AMER1: variants seen among roughly 807,000 people sequenced by gnomAD.
The protein encoded by AMER1 is RP11-403E24.2.
In AMER1, 16 loss-of-function variants were observed where a neutral mutation model predicts 53.0. The ratio of observed to expected loss-of-function variants is 0.30; its 90% CI spans 0.20 to 0.46. The LOEUF (loss-of-function observed/expected upper bound fraction) is 0.46. AMER1 is among the 20% of genes least tolerant of loss of function. AMER1 has a pLI of 1.00. For synonymous variants in AMER1, 354 were observed against 331.9 expected (o/e 1.07, Z -0.73); for missense variants, 947 against 884.9 (o/e 1.07, Z -0.89).
chrX:64,189,930 A>G lies in AMER1; in HGVS notation c.3357T>C (p.Ser1119=). 8.3e-7 allele frequency: 1 copy of G among 1,207,243 alleles called. No individual in the cohort carries two copies. Among genetic ancestry groups the G allele is most frequent in the Non-Finnish European group, 1.1e-6 (1 of 893,635 alleles). The stretch of plus-strand genomic sequence containing the variant: ...CAGTGGAGGAGTAGCTGGTGGCAAG[A>G]GAGGCACCTTGCTCAGCCCTCTCCT... The part of the protein sequence containing the change: ...LSKERAEQGA[S]LATSYSSTAM... The change falls in exon 2 of 2, where the codon TCT becomes TCC. Residue 1119 remains serine (S), a synonymous_variant. Coordinates refer to ENST00000374869, the MANE Select transcript of AMER1 (RefSeq NM_152424.4).
At chrX:64,201,448 A>AACACACACACAC (rs532857666) in intron 1 of AMER1, among the ~76,000 whole-genome samples, 74 of 83,130 alleles carry the variant, frequency 8.9e-4, no homozygotes, top group African/African-American at 2.9e-3. Flanking sequence ...TCCTTCCCCC[A>AACACACACACAC]ACACACACAC....
intron 1 of AMER1, among the ~76,000 whole-genome samples, chrX:64,194,095 C>T (rs749784799): frequency 1.8e-5 from 2 of 111,905 alleles, no homozygotes; most frequent in African/African-American, 3.2e-5. Flanking sequence ...CTTCAATATT[C>T]GCCATTCAAG....
At position 64,186,193 on chromosome X, in the gene AMER1, G is replaced by C. The variant is rs907718501; in HGVS notation, c.*3686C>G. ...GCATCTTCTGCTGTCCCTATCATGGGGGGAGGGAACGGACAGTGTGGTACA... is the reference window on the plus strand; with the variant it reads ...GCATCTTCTGCTGTCCCTATCATGGCGGGAGGGAACGGACAGTGTGGTACA... On this transcript the variant is annotated 3_prime_UTR_variant, in exon 2 of 2. Coordinates refer to ENST00000374869, the MANE Select transcript of AMER1 (RefSeq NM_152424.4). 2 of 1,209,239 alleles carry C rather than the reference G, an allele frequency of 1.7e-6. No homozygotes were observed. Among genetic ancestry groups the C allele is most frequent in the Non-Finnish European group, 2.2e-6 (2 of 894,011 alleles).
In AMER1 at chrX:64,187,400, G is replaced by C; in HGVS notation, c.*2479C>G. ...AACCATGAACTCTCACTCAGCCCCA[G>C]GCCCTACTCTGTGGTGTGTGACCTT... On this transcript the variant is annotated 3_prime_UTR_variant, in exon 2 of 2. Transcript: ENST00000374869. The C allele has an allele frequency of 2.5e-6, 2 of 794,552 alleles. No homozygotes were observed. Among genetic ancestry groups the C allele is most frequent in the Middle Eastern group, 6.5e-4 (1 of 1,530 alleles). 65.5% of individuals were successfully genotyped at this position (794,552 alleles called of 1,213,427 possible). A position where few individuals can be genotyped will look rare whatever the true frequency, so the allele number is the denominator to read the frequency against.
rs749051942 is a variant in AMER1 at position 64,193,289 on chromosome X, T to A, written c.-3A>T. On this transcript the variant is annotated 5_prime_UTR_variant, in exon 2 of 2. Coordinates refer to ENST00000374869, the MANE Select transcript of AMER1 (RefSeq NM_152424.4). Reference sequence around the variant, plus strand: ...GCTTCATCCTTTTGGGTCTCCATGATGATGGGGACAACTGAGGTACGTCCA... The same window carrying A: ...GCTTCATCCTTTTGGGTCTCCATGAAGATGGGGACAACTGAGGTACGTCCA... The A allele has an allele frequency of 8.3e-7, 1 of 1,209,714 alleles. No individual in the cohort carries two copies. The highest frequency in any genetic ancestry group is 1.1e-6 in the Non-Finnish European group (1 of 895,273).
At position 64,188,220 on chromosome X, in the gene AMER1, T is replaced by C. The variant is rs1930146435; in HGVS notation, c.*1659A>G. Reference sequence around the variant, plus strand: ...CTTCTCTCAACAGGCATGGAGATGGTGGGATGTGAGGGCGAGGGTGCAATA... The same window carrying C: ...CTTCTCTCAACAGGCATGGAGATGGCGGGATGTGAGGGCGAGGGTGCAATA... On this transcript the variant is annotated 3_prime_UTR_variant, in exon 2 of 2. Transcript: ENST00000374869. 5.0e-6 allele frequency: 4 copies of C among 804,410 alleles called. No homozygotes were observed. Among genetic ancestry groups the C allele is most frequent in the East Asian group, 1.4e-4 (2 of 14,101 alleles). The allele number at this position is 804,410 out of a possible 1,213,427, so 66.3% of individuals were successfully genotyped here.
rs978467186 is a variant in AMER1, at chrX:64,188,175, G to T, written c.*1704C>A. ...AGCTAAATTGCCATATCTCAGGAAT[G>T]GCAAGAACCCTGTTGACTTCTTCTC... On this transcript the variant is annotated 3_prime_UTR_variant, in exon 2 of 2. Transcript: ENST00000374869. 1.4e-5 allele frequency: 11 copies of T among 803,184 alleles called. No individual in the cohort carries two copies. Among genetic ancestry groups the T allele is most frequent in the Non-Finnish European group, 1.6e-5 (11 of 669,951 alleles). The allele number at this position is 803,184 out of a possible 1,213,427, so 66.2% of individuals were successfully genotyped here. A position where few individuals can be genotyped will look rare whatever the true frequency, so the allele number is the denominator to read the frequency against.
chrX:64,204,164 G>A (rs1930546397), intron 1 of AMER1, among the ~76,000 whole-genome samples: 1 of 113,067 alleles, frequency 8.8e-6, no homozygotes, highest in African/African-American at 3.2e-5. Flanking sequence ...GGGTGGTGCC[G>A]AATGAGGGGA....
rs976798807 is a variant in AMER1, at chrX:64,186,494, T to G, written c.*3385A>C. 137 of 783,711 alleles carry G rather than the reference T, an allele frequency of 1.7e-4. No homozygotes were observed. The highest frequency in any genetic ancestry group is 6.6e-4 in the Middle Eastern group (1 of 1,513). The allele number at this position is 783,711 out of a possible 1,213,427, so 64.6% of individuals were successfully genotyped here. Reference sequence around the variant, plus strand: ...CATACACATGGGTAAACTTGAAGTCTCCCTGCTAAACCCCATGCCTCCCTC... The same window carrying G: ...CATACACATGGGTAAACTTGAAGTCGCCCTGCTAAACCCCATGCCTCCCTC... On this transcript the variant is annotated 3_prime_UTR_variant, in exon 2 of 2. Transcript: ENST00000374869.
chrX:64,188,506 C>A lies in AMER1; in HGVS notation c.*1373G>T. On this transcript the variant is annotated 3_prime_UTR_variant, in exon 2 of 2. Coordinates refer to ENST00000374869, the MANE Select transcript of AMER1 (RefSeq NM_152424.4). ...GGCTGCAACTGCCAAGAAGCCCTGT[C>A]ATTTGATGATGCTAAGGACTCGGCT... 1.2e-6 allele frequency: 1 copy of A among 805,062 alleles called. No homozygotes were observed. The highest frequency in any genetic ancestry group is 6.6e-5 in the South Asian group (1 of 15,219). The allele number at this position is 805,062 out of a possible 1,213,427, so 66.3% of individuals were successfully genotyped here. A position where few individuals can be genotyped will look rare whatever the true frequency, so the allele number is the denominator to read the frequency against.
At chrX:64,204,069 C>G (rs994506868) in intron 1 of AMER1, among the ~76,000 whole-genome samples, 1 of 112,418 alleles carries the variant, frequency 8.9e-6, no homozygotes, top group Non-Finnish European at 1.9e-5. Context: ...TTACCAAGCC[C>G]CCAGTGGCTT....
Position 64,192,343 on chromosome X carries a change from T to G in AMER1, c.944A>C (p.Asp315Ala). The G allele has an allele frequency of 8.2e-7, 1 of 1,212,250 alleles. No homozygotes were observed. Among genetic ancestry groups the G allele is most frequent in the Non-Finnish European group, 1.1e-6 (1 of 895,645 alleles). Residue 315 changes from aspartate to alanine, a missense_variant, in exon 2 of 2, where the codon GAT (aspartate) becomes GCT (alanine). Asp to Ala is a moderately radical substitution (Grantham distance 126, BLOSUM62 -2). Transcript: ENST00000374869. ...VGDPLSLLFG[D>A]VTSLKSFDSL... Reference sequence around the variant, plus strand: ...ATCAAAGCTTTTCAGGGATGTCACATCCCCAAACAAGAGGCTCAGTGGGTC... The same window carrying G: ...ATCAAAGCTTTTCAGGGATGTCACAGCCCCAAACAAGAGGCTCAGTGGGTC...
rs2147089737 is a variant in AMER1, at chrX:64,192,491, C to G, written c.796G>C (p.Ala266Pro). 8.3e-7 allele frequency: 1 copy of G among 1,203,301 alleles called. No individual in the cohort carries two copies. The highest frequency in any genetic ancestry group is 3.0e-5 in the East Asian group (1 of 33,819). Residue 266 changes from alanine to proline, a missense_variant, in exon 2 of 2, where the codon GCC becomes CCC. By Grantham distance (27) the Ala-to-Pro change is conservative. Transcript: ENST00000374869. ...GGCTTGGGTTGCACATGTGCTGAGG[C>G]ACAGGCCTCCATGGGTTTTTCTGGA... ...KDPEKPMEAC[A>P]SAHVQPKPAP... is the part of the protein sequence containing the mutation.
intron 1 of AMER1, among the ~76,000 whole-genome samples, chrX:64,199,420 G>T (rs1930441445): frequency 8.9e-6 from 1 of 111,917 alleles, no homozygotes; most frequent in Admixed American, 9.4e-5. Context: ...CCTTCTATAG[G>T]CTGTGTGGTT....
chrX:64,195,157 C>A (rs1477840424), intron 1 of AMER1, among the ~76,000 whole-genome samples: 3 of 111,642 alleles, frequency 2.7e-5, no homozygotes, highest in African/African-American at 9.8e-5. Flanking sequence ...CCCCCTCCCA[C>A]CTCCAAATAC....
chrX:64,200,125 C>G (rs958637505), intron 1 of AMER1, among the ~76,000 whole-genome samples: 1 of 112,677 alleles, frequency 8.9e-6, no homozygotes, highest in Non-Finnish European at 1.9e-5. Flanking sequence ...TCTTAGGCTC[C>G]CAAACTTTCT....
In AMER1 at chrX:64,191,643, G is replaced by A. The variant is rs2147087781; in HGVS notation, c.1644C>T (p.Ser548=). Residue 548 remains serine, a synonymous_variant, in exon 2 of 2, where the codon TCC becomes TCT. Transcript: ENST00000374869. The stretch of plus-strand genomic sequence containing the variant: ...CTGTCTCCATTGCCCCAGGTGGCCG[G>A]GAGGACAAAAAGGGCTCAAAGTTTA... ...PFLNFEPFLS[S]RPPGAMETEE... is the part of the protein sequence containing the mutation. 1 of 1,212,235 alleles carries A rather than the reference G, an allele frequency of 8.2e-7. No individual in the cohort carries two copies. Among genetic ancestry groups the A allele is most frequent in the East Asian group, 3.0e-5 (1 of 33,811 alleles).
rs1230411654 is a variant in AMER1 at position 64,190,622 on chromosome X, G to A, written c.2665C>T (p.Leu889Phe). 6 of 1,211,983 alleles carry A rather than the reference G, an allele frequency of 5.0e-6. No homozygotes were observed. Among genetic ancestry groups the A allele is most frequent in the Non-Finnish European group, 6.7e-6 (6 of 895,560 alleles). The change falls in exon 2 of 2, where the codon CTC (leucine) becomes TTC (phenylalanine). Residue 889 changes from leucine to phenylalanine, a missense_variant. Physicochemically the swap from Leu to Phe is conservative, Grantham distance 22. Coordinates refer to ENST00000374869, the MANE Select transcript of AMER1 (RefSeq NM_152424.4). ...HPRPPPAAMA[L>F]NRRSRSLDTA... Reference sequence around the variant, plus strand: ...TCGAGAGAGCGGCTTCTCCTGTTGAGGGCCATAGCAGCAGGTGGAGGTCGA... The same window carrying A: ...TCGAGAGAGCGGCTTCTCCTGTTGAAGGCCATAGCAGCAGGTGGAGGTCGA...
Position 64,190,055 on chromosome X carries a change from C to A in AMER1, c.3232G>T (p.Val1078Leu), listed in dbSNP as rs1343119078. ...SPSPLPQAKP[V>L]GITHGIPQLP... Reference sequence around the variant, plus strand: ...TGAGGAATGCCATGGGTGATGCCCACAGGCTTGGCCTGTGGTAGAGGGCTG... The same window carrying A: ...TGAGGAATGCCATGGGTGATGCCCAAAGGCTTGGCCTGTGGTAGAGGGCTG... Residue 1078 changes from valine to leucine, a missense_variant, in exon 2 of 2, where the codon GTG (valine) becomes TTG (leucine). By Grantham distance (32) the Val-to-Leu change is conservative. Coordinates refer to ENST00000374869, the MANE Select transcript of AMER1 (RefSeq NM_152424.4). 1 of 1,203,167 alleles carries A rather than the reference C, an allele frequency of 8.3e-7. No individual in the cohort carries two copies. Among genetic ancestry groups the A allele is most frequent in the Admixed American group, 2.2e-5 (1 of 45,259 alleles).
Sources: gnomAD v4.1 joint callset for allele counts (sites outside exome capture counted in the v4.1 genomes callset) on GRCh38, gnomAD v4.1.1 for gene constraint, MANE v1.5 for transcripts, NCBI Gene and HGNC (gene_info 2026-07-23, HGNC 2026-07-21) for gene names.